Variants in SLC24A2 observed in about 807,000 individuals in gnomAD.
SLC24A2 encodes the protein solute carrier family 24 member 2, also known as sodium/potassium/calcium exchanger 2.
SLC24A2 carries 36 observed loss-of-function variants against 62.0 expected under a neutral mutation model. The observed-to-expected ratio is 0.58, with a 90% confidence interval of 0.44 to 0.77. The LOEUF (loss-of-function observed/expected upper bound fraction) is 0.77, where lower values mean the gene tolerates loss of function less well. Ranked by LOEUF, SLC24A2 falls within the 30% of genes least tolerant of loss-of-function variation. SLC24A2 has a pLI of 0.00. For synonymous variants in SLC24A2, 358 were observed against 294.0 expected, an observed-to-expected ratio of 1.22 and a Z score of -2.23; for missense variants, 846 against 817.9, an observed-to-expected ratio of 1.03 and a Z score of -0.42.
the SLC24A2 span, among the ~76,000 whole-genome samples, chr9:19,945,601 C>T: frequency 1.3e-5 from 2 of 152,174 alleles, no homozygotes; most frequent in East Asian, 3.9e-4. Flanking sequence ...AAATGCCAGA[C>T]ACTAAGTACC....
chr9:20,292,320 T>C, the SLC24A2 span, among the ~76,000 whole-genome samples: 2 of 152,182 alleles, frequency 1.3e-5, no homozygotes, highest in Non-Finnish European at 2.9e-5. Context: ...ATTCCACTAA[T>C]AGTCTCGTTT....
chr9:20,198,305 T>C, the SLC24A2 span, among the ~76,000 whole-genome samples: 1 of 152,232 alleles, frequency 6.6e-6, no homozygotes, highest in Non-Finnish European at 1.5e-5. Flanking sequence ...GACTTTATTC[T>C]TTGGAGGCGG....
At chr9:19,934,525 C>A in the SLC24A2 span, among the ~76,000 whole-genome samples, 3 of 152,330 alleles carry the variant, frequency 2.0e-5, no homozygotes, top group East Asian at 3.9e-4. The surrounding 1 kb of genome is among the most constrained non-coding windows in gnomAD (Gnocchi z 4.1). Flanking sequence ...TTCCGGCCCC[C>A]GTGCACCGTG....
intron 4 of SLC24A2, among the ~76,000 whole-genome samples, chr9:19,604,072 G>A (rs1563992807): frequency 6.6e-6 from 1 of 152,190 alleles, no homozygotes. Flanking sequence ...CAGAGTAAAG[G>A]GGCACTCTGT....
the SLC24A2 span, among the ~76,000 whole-genome samples, chr9:20,229,470 T>C: frequency 6.6e-6 from 1 of 152,138 alleles, no homozygotes; most frequent in Admixed American, 6.5e-5. Context: ...TTGTTAAAAT[T>C]AGAGACTCTT....
At chr9:19,823,772 T>C in the SLC24A2 span, among the ~76,000 whole-genome samples, 7 of 152,214 alleles carry the variant, frequency 4.6e-5, no homozygotes, top group East Asian at 1.4e-3. Flanking sequence ...CTTCAAACTA[T>C]ACTACAAGGC....
At chr9:19,589,706 T>C (rs796930836) in intron 5 of SLC24A2, among the ~76,000 whole-genome samples, 8 of 152,306 alleles carry the variant, frequency 5.3e-5, no homozygotes, top group East Asian at 1.9e-4. Context: ...TCAAATAATA[T>C]ACAAGCCTTT....
intron 8 of SLC24A2, among the ~76,000 whole-genome samples, chr9:19,528,415 T>TA (rs1423251304): frequency 6.6e-6 from 1 of 152,194 alleles, no homozygotes; most frequent in Non-Finnish European, 1.5e-5. Context: ...ATTAGATGTT[T>TA]AGATTCCCTC....
upstream of SLC24A2, among the ~76,000 whole-genome samples, chr9:19,789,335 T>G (rs966976022): frequency 6.6e-6 from 1 of 152,248 alleles, no homozygotes; most frequent in Non-Finnish European, 1.5e-5. Context: ...TGGGGTCATC[T>G]TATGCTGGGC....
the SLC24A2 span, among the ~76,000 whole-genome samples, chr9:20,184,203 A>G: frequency 6.6e-6 from 1 of 152,258 alleles, no homozygotes; most frequent in Non-Finnish European, 1.5e-5. Flanking sequence ...AATGGAAATT[A>G]AAACTACAAT....
At chr9:20,168,933 C>G in the SLC24A2 span, among the ~76,000 whole-genome samples, 1 of 151,830 alleles carries the variant, frequency 6.6e-6, no homozygotes, top group Non-Finnish European at 1.5e-5. Context: ...TCACAGTAGC[C>G]AAAGATGTAA....
At chr9:19,522,474 T>G (rs1833248102) in intron 9 of SLC24A2, among the ~76,000 whole-genome samples, 1 of 152,204 alleles carries the variant, frequency 6.6e-6, no homozygotes, top group Non-Finnish European at 1.5e-5. Context: ...TTTTAGGGAA[T>G]AGAATACACT....
chr9:20,122,599 T>A, the SLC24A2 span, among the ~76,000 whole-genome samples: 1 of 151,950 alleles, frequency 6.6e-6, no homozygotes, highest in Admixed American at 6.6e-5. Context: ...GGCAGGAGAA[T>A]TGCTTGAACC....
chr9:19,650,822 AGTGTGTGT>A (rs61576823), intron 2 of SLC24A2, among the ~76,000 whole-genome samples: 1 of 149,084 alleles, frequency 6.7e-6, no homozygotes, highest in Non-Finnish European at 1.5e-5. Flanking sequence ...ATCAGCTTCT[AGTGTGTGT>A]GTGTGTGTGT....
chr9:19,785,790 G>A, intron 2 of SLC24A2, 147 bp downstream of exon 2: 2 of 1,027,160 alleles, frequency 1.9e-6, no homozygotes, highest in Non-Finnish European at 2.9e-6. Flanking sequence ...TGCTATGTTA[G>A]TCTAGCTATC....
the SLC24A2 span, among the ~76,000 whole-genome samples, chr9:19,971,660 T>A: frequency 3.3e-5 from 5 of 152,056 alleles, no homozygotes; most frequent in East Asian, 7.7e-4. Flanking sequence ...TCTAGCAGGA[T>A]GTTTCTCTGA....
chr9:19,651,447 A>C lies in SLC24A2; in HGVS notation c.931-29148T>G, dbSNP rs527557032. Among the ~76,000 whole-genome samples the C allele has an allele frequency of 2.0e-5, 3 of 152,322 alleles. No homozygotes were observed. The East Asian group carries it at 5.8e-4, about 29-fold the overall frequency. On this transcript the variant is annotated intron_variant, in intron 2 of 10. Coordinates refer to ENST00000341998, the MANE Select transcript of SLC24A2 (RefSeq NM_020344.4). ...TTGAGACTCAGGCAGTCTAACTTTG[A>C]ACCCATGTTCTTAACAGCACTTCAC...
intron 2 of SLC24A2, among the ~76,000 whole-genome samples, chr9:19,680,226 A>G (rs946937531): frequency 1.3e-5 from 2 of 152,122 alleles, no homozygotes; most frequent in Admixed American, 1.3e-4. Flanking sequence ...GAAGCATCCA[A>G]CCCTAACAGA....
rs533778545 is a variant in SLC24A2, at chr9:19,580,855, G to A, written c.1130-3833C>T. On this transcript the variant is annotated intron_variant, in intron 5 of 10. Coordinates refer to ENST00000341998, the MANE Select transcript of SLC24A2 (RefSeq NM_020344.4). Reference sequence around the variant, plus strand: ...GTTAAGCAGGGATTCCAGTGGTATTGGTAGAGTTACTAGTGACATACGATG... The same window carrying A: ...GTTAAGCAGGGATTCCAGTGGTATTAGTAGAGTTACTAGTGACATACGATG... Among the ~76,000 whole-genome samples, 3 of 152,252 alleles carry A rather than the reference G, an allele frequency of 2.0e-5. No individual in the cohort carries two copies. In the East Asian group the frequency reaches 5.8e-4, roughly 29 times the overall value.
Sources: gnomAD v4.1 joint callset for allele counts (sites outside exome capture counted in the v4.1 genomes callset) on GRCh38, gnomAD v4.1.1 for gene constraint, Gnocchi (gnomAD v3.1) non-coding constraint, MANE v1.5 for transcripts, NCBI Gene and HGNC (gene_info 2026-07-23, HGNC 2026-07-21) for gene names.